Variants in EIF2AK3 observed in about 807,000 individuals in gnomAD.
EIF2AK3 encodes the protein eukaryotic translation initiation factor 2 alpha kinase 3, also known as eukaryotic translation initiation factor 2-alpha kinase 3.
EIF2AK3 carries 50 observed loss-of-function variants against 113.5 expected under a neutral mutation model. That is an observed-to-expected ratio of 0.44 (90% CI 0.35 to 0.56). The LOEUF is 0.56. Ranked by LOEUF, EIF2AK3 falls within the 20% of genes least tolerant of loss-of-function variation. EIF2AK3 has a pLI of 0.00. For missense variants in EIF2AK3, 1,185 were observed against 1,378.0 expected, an observed-to-expected ratio of 0.86 and a Z score of 2.22; for synonymous variants, 448 against 495.4, an observed-to-expected ratio of 0.90 and a Z score of 1.27.
chr2:88,571,958 T>G (rs1674321697), intron 13 of EIF2AK3, among the ~76,000 whole-genome samples: 1 of 152,290 alleles, frequency 6.6e-6, no homozygotes, highest in African/African-American at 2.4e-5. Context: ...CCTCAGAGTC[T>G]ACTCTACTCT....
intron 9 of EIF2AK3, among the ~76,000 whole-genome samples, chr2:88,584,866 T>C (rs1327031037): frequency 2.0e-5 from 3 of 152,020 alleles, no homozygotes. Flanking sequence ...GCCTAGTGGC[T>C]GAGCACGGTG....
chr2:88,566,795 A>G (rs1674141916), intron 14 of EIF2AK3, among the ~76,000 whole-genome samples: 1 of 152,162 alleles, frequency 6.6e-6, no homozygotes. Flanking sequence ...AAAAAACAAA[A>G]AAATTATCTG....
chr2:88,609,145 CTGAA>C (rs1421929782), intron 2 of EIF2AK3, among the ~76,000 whole-genome samples: 1 of 152,056 alleles, frequency 6.6e-6, no homozygotes, highest in Non-Finnish European at 1.5e-5. Context: ...ACACACCTTG[CTGAA>C]TAACAGATGA....
chr2:88,571,154 G>A, intron 13 of EIF2AK3, 113 bp from the exon 14 acceptor site: 1 of 1,298,208 alleles, frequency 7.7e-7, no homozygotes, highest in Admixed American at 1.8e-5. Flanking sequence ...ATATTTTCAA[G>A]CATATTTCTT....
chr2:88,583,669 T>G lies in EIF2AK3; in HGVS notation c.1651-127A>C, dbSNP rs182049864. Reference sequence around the variant, plus strand: ...AGCATCAAGAAAAATAAAAGCATTATGAAAACAAAGTGCAGCATTTTGCTT... The same window carrying G: ...AGCATCAAGAAAAATAAAAGCATTAGGAAAACAAAGTGCAGCATTTTGCTT... On this transcript the variant is annotated intron_variant, in intron 9 of 16. Coordinates refer to ENST00000303236, the MANE Select transcript of EIF2AK3 (RefSeq NM_004836.7). 1.9e-5 allele frequency: 14 copies of G among 737,582 alleles called. No homozygotes were observed. The East Asian group carries it at 3.6e-4, about 19-fold the overall frequency. The allele number at this position is 737,582 out of a possible 1,614,324, so 45.7% of individuals were successfully genotyped here. A position where few individuals can be genotyped will look rare whatever the true frequency, so the allele number is the denominator to read the frequency against.
intron 9 of EIF2AK3, 34 bp from the exon 10 acceptor site, chr2:88,583,576 CA>C (rs780738607): frequency 1.4e-6 from 2 of 1,468,438 alleles, no homozygotes; most frequent in East Asian, 4.5e-5. Flanking sequence ...ACTACCAGTA[CA>C]AAGCTGAACT....
chr2:88,621,278 C>G (rs1269364244), intron 1 of EIF2AK3, among the ~76,000 whole-genome samples: 2 of 152,204 alleles, frequency 1.3e-5, no homozygotes, highest in African/African-American at 4.8e-5. Context: ...ACCCAGAACA[C>G]CTGCCTATTT....
intron 14 of EIF2AK3, among the ~76,000 whole-genome samples, chr2:88,565,003 T>G (rs1674069472): frequency 6.6e-6 from 1 of 151,878 alleles, no homozygotes; most frequent in African/African-American, 2.4e-5. Flanking sequence ...GCCTCTTAAA[T>G]AATAATAAAT....
intron 1 of EIF2AK3, among the ~76,000 whole-genome samples, chr2:88,621,144 C>G (rs1433805584): frequency 6.6e-6 from 1 of 152,188 alleles, no homozygotes; most frequent in Non-Finnish European, 1.5e-5. Flanking sequence ...TTTTATTCCT[C>G]TCAGAAATCT....
chr2:88,572,114 G>C (rs1558646823), intron 13 of EIF2AK3, among the ~76,000 whole-genome samples: 1 of 152,158 alleles, frequency 6.6e-6, no homozygotes, highest in Non-Finnish European at 1.5e-5. Flanking sequence ...AAACGATTTT[G>C]ACTTGGAAGC....
At chr2:88,606,825 A>G (rs1157286685) in intron 2 of EIF2AK3, among the ~76,000 whole-genome samples, 2 of 152,232 alleles carry the variant, frequency 1.3e-5, no homozygotes, top group Admixed American at 6.5e-5. Flanking sequence ...GAGCACCAGC[A>G]TCAGAGCTGT....
At chr2:88,576,416 G>A in intron 12 of EIF2AK3, 138 bp downstream of exon 12, 2 of 1,274,108 alleles carry the variant, frequency 1.6e-6, no homozygotes, top group South Asian at 2.9e-5. Context: ...AGTGGCTAGA[G>A]AACTTTTCAA....
intron 15 of EIF2AK3, among the ~76,000 whole-genome samples, chr2:88,560,795 G>A (rs74739915): frequency 1.1e-4 from 17 of 148,652 alleles, no homozygotes; most frequent in Non-Finnish European, 1.8e-4. Context: ...AGGTCCTTTC[G>A]GTTAGAAGAT....
Position 88,575,205 on chromosome 2 carries a change from T to C in EIF2AK3, c.2278A>G (p.Asn760Asp), listed in dbSNP as rs745450377. 1.2e-6 allele frequency: 2 copies of C among 1,612,920 alleles called. No individual in the cohort carries two copies. Among genetic ancestry groups the C allele is most frequent in the Non-Finnish European group, 1.7e-6 (2 of 1,179,180 alleles). Reference sequence around the variant, plus strand: ...TCTGTAAGGCAACTGTCCTGGAGGTTGTATGCTGCATCCACTGACTCACTG... The same window carrying C: ...TCTGTAAGGCAACTGTCCTGGAGGTCGTATGCTGCATCCACTGACTCACTG... ...DISESVDAAY[N>D]LQDSCLTDCD... The change falls in exon 13 of 17, where the codon AAC (asparagine) becomes GAC (aspartate). Residue 760 changes from asparagine to aspartate, a missense_variant. This residue lies in a region of EIF2AK3 where 877 missense variants were observed against 1,024.2 expected (regional missense o/e 0.86). Coordinates refer to ENST00000303236, the MANE Select transcript of EIF2AK3 (RefSeq NM_004836.7).
intron 2 of EIF2AK3, among the ~76,000 whole-genome samples, chr2:88,602,437 G>C (rs915617115): frequency 6.6e-6 from 1 of 152,028 alleles, no homozygotes; most frequent in African/African-American, 2.4e-5. Flanking sequence ...AGGAGAAGAG[G>C]GGGTAAGAAA....
rs1287246605 is a variant in EIF2AK3, at chr2:88,595,553, T to C, written c.549A>G (p.Glu183=). Residue 183 remains glutamate (E), a synonymous_variant, in exon 3 of 17, where the codon GAA becomes GAG. Transcript: ENST00000303236. Reference sequence around the variant, plus strand: ...CATCATCTCCAAATTTATAAGAAGATTCAAGAAGTGATTCAACTGTGAAAG... The same window carrying C: ...CATCATCTCCAAATTTATAAGAAGACTCAAGAAGTGATTCAACTGTGAAAG... ...TVPFTVESLL[E]SSYKFGDDVV... The C allele has an allele frequency of 6.2e-7, 1 of 1,613,928 alleles. No individual in the cohort carries two copies. Among genetic ancestry groups the C allele is most frequent in the East Asian group, 2.2e-5 (1 of 44,872 alleles).
At chr2:88,616,949 G>A (rs1291689409) in intron 1 of EIF2AK3, among the ~76,000 whole-genome samples, 2 of 152,132 alleles carry the variant, frequency 1.3e-5, no homozygotes, top group Non-Finnish European at 2.9e-5. Flanking sequence ...CAAGCCAGCT[G>A]TAGTATTCAT....
chr2:88,593,533 G>T, intron 3 of EIF2AK3, 128 bp from the exon 4 acceptor site: 1 of 1,089,946 alleles, frequency 9.2e-7, no homozygotes, highest in Non-Finnish European at 1.3e-6. Context: ...AAGTACTCAA[G>T]TCATAAGAAG....
intron 9 of EIF2AK3, among the ~76,000 whole-genome samples, chr2:88,583,824 A>G (rs1216759937): frequency 6.6e-6 from 1 of 152,202 alleles, no homozygotes; most frequent in East Asian, 1.9e-4. Flanking sequence ...GACAATGCAC[A>G]CATGTAAGCA....
Sources: allele counts gnomAD v4.1 joint callset (sites outside exome capture counted in the v4.1 genomes callset), GRCh38; gene constraint gnomAD v4.1.1; regional missense constraint gnomAD v4.1.1; transcripts MANE v1.5; gene names NCBI Gene and HGNC (gene_info 2026-07-23, HGNC 2026-07-21).